Variants in DHRSX observed in about 807,000 individuals in gnomAD.
DHRSX encodes the protein dehydrogenase/reductase X-linked.
DHRSX carries 31 observed loss-of-function variants against 34.0 expected under a neutral mutation model. The ratio of observed to expected loss-of-function variants is 0.91; its 90% CI spans 0.69 to 1.23. The LOEUF (loss-of-function observed/expected upper bound fraction) is 1.23, where lower values mean the gene tolerates loss of function less well. Ranked by LOEUF, DHRSX falls within the 50% of genes most tolerant of loss-of-function variation. The pLI is 0.00. For missense variants in DHRSX, 414 were observed against 428.1 expected (o/e 0.97, Z 0.29); for synonymous variants, 201 against 183.8 (o/e 1.09, Z -0.76).
intron 3 of DHRSX, among the ~76,000 whole-genome samples, chrX:2,394,225 GA>G (rs2043380268): frequency 6.6e-6 from 1 of 152,200 alleles, no homozygotes; most frequent in African/African-American, 2.4e-5. Flanking sequence ...TGGGAGTGCA[GA>G]CAGCAGGCTC....
At chrX:2,485,789 A>AGAAGGGAGAGAAGGAAG (rs1228986473) in intron 1 of DHRSX, among the ~76,000 whole-genome samples, 7,955 of 24,634 alleles carry the variant, frequency 0.32, 1,006 homozygotes, top group Middle Eastern at 0.47. Flanking sequence ...GAAAAGGGAG[A>AGAAGGGAGAGAAGGAAG]GAAGGGAGAG....
rs1291811870 is a variant in DHRSX at position 2,220,348 on chromosome X, T to C, written c.*693A>G. 1 of 152,230 alleles carries C rather than the reference T, an allele frequency of 6.6e-6. No individual in the cohort carries two copies. The highest frequency in any genetic ancestry group is 1.5e-5 in the Non-Finnish European group (1 of 68,056). The allele number at this position is 152,230 out of a possible 1,614,324, so 9.4% of individuals were successfully genotyped here. ...AAATTCTTAATTCTATCTGCAAAGA[T>C]TCTTTTCCAAATAAAGTAATATTTA... is the stretch of plus-strand genomic sequence containing the variant. On this transcript the variant is annotated 3_prime_UTR_variant, in exon 7 of 7. Transcript: ENST00000334651.
chrX:2,249,023 A>T (rs1261876186), intron 5 of DHRSX, among the ~76,000 whole-genome samples: 1 of 152,108 alleles, frequency 6.6e-6, no homozygotes, highest in East Asian at 1.9e-4. Context: ...TTGCAAAATC[A>T]GAGGGAATGA....
At chrX:2,235,396 G>A (rs748785991) in intron 6 of DHRSX, among the ~76,000 whole-genome samples, 6 of 152,230 alleles carry the variant, frequency 3.9e-5, no homozygotes, top group African/African-American at 1.4e-4. Flanking sequence ...ATGTCTCCAT[G>A]CAAGAAATCC....
At chrX:2,448,297 C>T (rs1389883528) in intron 1 of DHRSX, among the ~76,000 whole-genome samples, 1 of 152,116 alleles carries the variant, frequency 6.6e-6, no homozygotes, top group Non-Finnish European at 1.5e-5. Context: ...CATGACGCTG[C>T]ACTCCACCGT....
At chrX:2,290,010 T>C (rs1046429878) in intron 4 of DHRSX, among the ~76,000 whole-genome samples, 1 of 152,244 alleles carries the variant, frequency 6.6e-6, no homozygotes, top group Non-Finnish European at 1.5e-5. Flanking sequence ...ATCATAGCTA[T>C]GTCTGCACGT....
chrX:2,238,161 C>G (rs2016059199), intron 6 of DHRSX, among the ~76,000 whole-genome samples: 2 of 152,098 alleles, frequency 1.3e-5, no homozygotes, highest in African/African-American at 4.8e-5. Flanking sequence ...GGAGACCCGG[C>G]TGGACAACAT....
In DHRSX at chrX:2,459,121, G is replaced by C. The variant is rs142546212; in HGVS notation, c.110-33817C>G. 1.5e-3 allele frequency among the ~76,000 whole-genome samples: 230 copies of C among 152,202 alleles called. 1 individual carries two copies. The highest frequency in any genetic ancestry group is 5.1e-3 in the African/African-American group (214 of 41,568). On this transcript the variant is annotated intron_variant, in intron 1 of 6. Coordinates refer to ENST00000334651, the MANE Select transcript of DHRSX (RefSeq NM_145177.3). ...ACGCTGCACTCCAGCCTGGGTGATA[G>C]AGGGTGAGACTGTCTCAAAAACATA...
At chrX:2,421,395 G>A (rs1381958783) in intron 2 of DHRSX, among the ~76,000 whole-genome samples, 1 of 151,968 alleles carries the variant, frequency 6.6e-6, no homozygotes, top group African/African-American at 2.4e-5. Context: ...TGTGAAAGTT[G>A]GGAAGAGCCA....
intron 3 of DHRSX, among the ~76,000 whole-genome samples, chrX:2,342,492 T>C (rs1459540687): frequency 6.6e-6 from 1 of 151,844 alleles, no homozygotes; most frequent in Non-Finnish European, 1.5e-5. Context: ...CCAGCACTTA[T>C]CTGCCTTTGG....
intron 4 of DHRSX, among the ~76,000 whole-genome samples, chrX:2,276,782 A>C (rs761539916): frequency 7.0e-6 from 1 of 142,106 alleles, no homozygotes; most frequent in Admixed American, 6.9e-5. Context: ...GGAAGAGAGA[A>C]GGAGAGGGAG....
At chrX:2,342,169 G>A (rs1569491295) in intron 3 of DHRSX, among the ~76,000 whole-genome samples, 1 of 152,096 alleles carries the variant, frequency 6.6e-6, no homozygotes, top group Non-Finnish European at 1.5e-5. Context: ...TCCTTGTCAA[G>A]ATCAAAATTA....
At chrX:2,408,699 A>AG (rs775624669) in intron 3 of DHRSX, 46 bp downstream of exon 3, 17 of 1,436,758 alleles carry the variant, frequency 1.2e-5, no homozygotes, top group South Asian at 3.8e-5. Flanking sequence ...ACCTGTCCCA[A>AG]GGAAAAAAAA....
At chrX:2,463,840 G>A (rs1165547790) in intron 1 of DHRSX, among the ~76,000 whole-genome samples, 1 of 152,142 alleles carries the variant, frequency 6.6e-6, no homozygotes, top group Admixed American at 6.5e-5. Flanking sequence ...AAAGGACACA[G>A]ACACAGACAC....
At chrX:2,308,393 T>C (rs1321805126) in intron 3 of DHRSX, among the ~76,000 whole-genome samples, 1 of 152,070 alleles carries the variant, frequency 6.6e-6, no homozygotes, top group African/African-American at 2.4e-5. Flanking sequence ...TCGACAATTG[T>C]TCGACAATTG....
chrX:2,247,586 G>A (rs1011047489), intron 5 of DHRSX, among the ~76,000 whole-genome samples: 7 of 150,354 alleles, frequency 4.7e-5, no homozygotes, highest in Admixed American at 3.3e-4. Flanking sequence ...CCCGGGAGGC[G>A]GAGCTTGCAG....
Position 2,221,010 on chromosome X carries a change from C to T in DHRSX, c.*31G>A. On this transcript the variant is annotated 3_prime_UTR_variant, in exon 7 of 7. Transcript: ENST00000334651. Reference sequence around the variant, plus strand: ...AGCTATTGGCAGGTGCAATGTGTTTCTTGGGGCAGCAGCTATCCTGAGACA... The same window carrying T: ...AGCTATTGGCAGGTGCAATGTGTTTTTTGGGGCAGCAGCTATCCTGAGACA... 6.2e-7 allele frequency: 1 copy of T among 1,606,166 alleles called. No individual in the cohort carries two copies. Among genetic ancestry groups the T allele is most frequent in the Non-Finnish European group, 8.5e-7 (1 of 1,175,538 alleles).
At chrX:2,259,054 C>A (rs2041318815) in intron 5 of DHRSX, among the ~76,000 whole-genome samples, 1 of 152,136 alleles carries the variant, frequency 6.6e-6, no homozygotes, top group Non-Finnish European at 1.5e-5. Context: ...GCGAGAGGAT[C>A]ACGAGGTCAG....
intron 3 of DHRSX, among the ~76,000 whole-genome samples, chrX:2,361,920 C>T (rs759604282): frequency 7.9e-5 from 12 of 152,236 alleles, no homozygotes; most frequent in African/African-American, 1.9e-4. Context: ...AGTGTGGCTG[C>T]GTTTCTGTGG....
Sources: gnomAD v4.1 joint callset for allele counts (sites outside exome capture counted in the v4.1 genomes callset) on GRCh38, gnomAD v4.1.1 for gene constraint, MANE v1.5 for transcripts, NCBI Gene and HGNC (gene_info 2026-07-23, HGNC 2026-07-21) for gene names.